COPB2: variants seen among roughly 807,000 people sequenced by gnomAD.
COPB2 encodes coatomer subunit beta'.
Under a neutral mutation model 120.8 loss-of-function variants are expected in COPB2, and 16 were observed. That is an observed-to-expected ratio of 0.13 (90% CI 0.09 to 0.20). COPB2 has a LOEUF of 0.20. Among genes scored for constraint, COPB2 ranks in the 10% least tolerant of loss-of-function variants. COPB2 has a pLI of 1.00. For synonymous variants in COPB2, 332 were observed against 366.3 expected (o/e 0.91, Z 1.07); for missense variants, 794 against 1,076.5 (o/e 0.74, Z 3.67).
In COPB2 at chr3:139,366,788, C is replaced by T. The variant is rs1413806924; in HGVS notation, c.1677-13G>A. The T allele has an allele frequency of 2.1e-5, 34 of 1,608,890 alleles. No individual in the cohort carries two copies. The highest frequency in any genetic ancestry group is 2.9e-5 in the Non-Finnish European group (34 of 1,176,946). Reference sequence around the variant, plus strand: ...GAGATACATCGTCCTATAAAAGAAACAGAAACCAAGTTAGAAATTCAAATC... The same window carrying T: ...GAGATACATCGTCCTATAAAAGAAATAGAAACCAAGTTAGAAATTCAAATC... On this transcript the variant is annotated splice_polypyrimidine_tract_variant and intron_variant, in intron 14 of 21. Transcript: ENST00000333188.
In COPB2 at chr3:139,387,540, T is replaced by C. The variant is rs371394811; in HGVS notation, c.3+2008A>G. 2.4e-4 allele frequency among the ~76,000 whole-genome samples: 37 copies of C among 152,324 alleles called. No homozygotes were observed. The South Asian group carries it at 7.0e-3, about 29-fold the overall frequency. On this transcript the variant is annotated intron_variant, in intron 1 of 21. Coordinates refer to ENST00000333188, the MANE Select transcript of COPB2 (RefSeq NM_004766.3). ...AAGCATTCTTTCCTAGGGAATCCTA[T>C]AGGATTTCATTTTAACTGTTCATGG... is the stretch of plus-strand genomic sequence containing the variant.
In COPB2 at chr3:139,366,839, C is replaced by A. The variant is rs1341489984; in HGVS notation, c.1677-64G>T. ...TGCAATTACACAAACACACACCCCG[C>A]CAATCTCCCTCTTGCTCAAAACCTT... On this transcript the variant is annotated intron_variant, in intron 14 of 21. Coordinates refer to ENST00000333188, the MANE Select transcript of COPB2 (RefSeq NM_004766.3). 5.2e-6 allele frequency: 8 copies of A among 1,545,134 alleles called. No individual in the cohort carries two copies. In the East Asian group the frequency reaches 1.6e-4, roughly 31 times the overall value.
chr3:139,374,721 A>C (rs997100916), intron 6 of COPB2, 133 bp from the exon 7 acceptor site: 8 of 530,458 alleles, frequency 1.5e-5, no homozygotes, highest in African/African-American at 1.4e-4. Flanking sequence ...CAATATAGAA[A>C]TTTTTGAAAT....
chr3:139,372,263 T>G (rs1204109233), intron 9 of COPB2, among the ~76,000 whole-genome samples: 1 of 152,242 alleles, frequency 6.6e-6, no homozygotes. Flanking sequence ...TTAAAGCTGA[T>G]CATTCAAATG....
chr3:139,375,761 GTTCT>G (rs1254703639), intron 5 of COPB2, 147 bp from the exon 6 acceptor site: 7 of 1,073,762 alleles, frequency 6.5e-6, no homozygotes, highest in Non-Finnish European at 7.6e-6. Context: ...TTTGGTTTTT[GTTCT>G]TTCTCATTTT....
chr3:139,370,308 A>T (rs1941600417), intron 10 of COPB2, among the ~76,000 whole-genome samples: 1 of 152,214 alleles, frequency 6.6e-6, no homozygotes, highest in Non-Finnish European at 1.5e-5. Flanking sequence ...TGGGCAGCAT[A>T]TACAATGTGG....
Position 139,361,161 on chromosome 3 carries a change from A to G in COPB2, c.2130T>C (p.Asn710=). 1.2e-6 allele frequency: 2 copies of G among 1,614,162 alleles called. No individual in the cohort carries two copies. The highest frequency in any genetic ancestry group is 1.1e-5 in the South Asian group (1 of 91,084). ...CACCCTCTGCTAGCTTGTTCACCATATTAGCATTTCCAGAGGCAGTGGCCA... is the reference window on the plus strand; with the variant it reads ...CACCCTCTGCTAGCTTGTTCACCATGTTAGCATTTCCAGAGGCAGTGGCCA... ...LLLATASGNA[N]MVNKLAEGAE... Residue 710 remains asparagine, a synonymous_variant, in exon 17 of 22, where the codon AAT becomes AAC. Coordinates refer to ENST00000333188, the MANE Select transcript of COPB2 (RefSeq NM_004766.3).
intron 9 of COPB2, among the ~76,000 whole-genome samples, chr3:139,372,963 G>A (rs975584720): frequency 3.3e-5 from 5 of 152,168 alleles, no homozygotes; most frequent in African/African-American, 1.2e-4. Context: ...GAAATAACAG[G>A]AAACTACTAT....
In COPB2 at chr3:139,369,438, T is replaced by C; in HGVS notation, c.1294+18A>G. 2 of 1,605,768 alleles carry C rather than the reference T, an allele frequency of 1.2e-6. No homozygotes were observed. Among genetic ancestry groups the C allele is most frequent in the Non-Finnish European group, 8.5e-7 (1 of 1,175,660 alleles). ...TTACAAAGAATTTAAAAATGTATCA[T>C]ATGTAGATCACACTCACTTTCTGCT... On this transcript the variant is annotated intron_variant, in intron 11 of 21. Transcript: ENST00000333188.
At chr3:139,377,973 CA>C in intron 5 of COPB2, 67 bp downstream of exon 5, 2 of 1,371,930 alleles carry the variant, frequency 1.5e-6, no homozygotes, top group East Asian at 5.0e-5. Flanking sequence ...GACCAGTCAA[CA>C]GTAAAACACC....
chr3:139,384,253 G>A (rs1941871214), intron 1 of COPB2, among the ~76,000 whole-genome samples: 1 of 152,080 alleles, frequency 6.6e-6, no homozygotes, highest in African/African-American at 2.4e-5. Flanking sequence ...TTAAGCATTG[G>A]TCGTTTGGAA....
At chr3:139,359,226 T>C in intron 18 of COPB2, 44 bp downstream of exon 18, 1 of 1,611,786 alleles carries the variant, frequency 6.2e-7, no homozygotes, top group Non-Finnish European at 8.5e-7. Flanking sequence ...AAATGTGCTC[T>C]CTTTTTATTG....
chr3:139,360,328 A>G (rs1426839443), intron 17 of COPB2, among the ~76,000 whole-genome samples: 4 of 152,052 alleles, frequency 2.6e-5, no homozygotes, highest in Non-Finnish European at 5.9e-5. Flanking sequence ...GTTTGAGACC[A>G]GCCTGGCCAA....
chr3:139,373,600 C>T, intron 8 of COPB2, 66 bp downstream of exon 8: 1 of 1,601,494 alleles, frequency 6.2e-7, no homozygotes, highest in South Asian at 1.1e-5. Context: ...TGGAAGATGA[C>T]AGTACTAAAA....
upstream of COPB2, chr3:139,389,667 T>G (rs997099523): frequency 4.4e-6 from 5 of 1,127,858 alleles, no homozygotes; most frequent in Admixed American, 1.3e-4. Context: ...CGGGAGCCGA[T>G]TCTCGCGATA....
intron 2 of COPB2, chr3:139,380,277 C>T (rs1941787705): frequency 1.3e-5 from 2 of 152,170 alleles, no homozygotes; most frequent in South Asian, 4.1e-4. Context: ...CTCCCAAGTG[C>T]TGGGATTACA....
chr3:139,368,096 A>C (rs1250813211), intron 13 of COPB2, 49 bp downstream of exon 13: 1 of 1,582,742 alleles, frequency 6.3e-7, no homozygotes, highest in South Asian at 1.2e-5. Flanking sequence ...TAAGAATATA[A>C]ATCATTTAAA....
In COPB2 at chr3:139,359,222, GCT is replaced by G. The variant is rs776882681; in HGVS notation, c.2303+46_2304-45del. 6 of 1,609,430 alleles carry G rather than the reference GCT, an allele frequency of 3.7e-6. No homozygotes were observed. The South Asian group carries it at 5.5e-5, about 15-fold the overall frequency. ...AACCAAAGAGAGACTAAGTAAATGT[GCT>G]CTCTTTTTATTGGAAACATTTCTTC... On this transcript the variant is annotated intron_variant, in intron 18 of 21. Transcript: ENST00000333188.
At chr3:139,376,749 T>C (rs1941719042) in intron 5 of COPB2, among the ~76,000 whole-genome samples, 1 of 152,200 alleles carries the variant, frequency 6.6e-6, no homozygotes, top group South Asian at 2.1e-4. Context: ...AATTAATTAA[T>C]TAATTTATTT....
Sources: gnomAD v4.1 joint callset for allele counts (sites outside exome capture counted in the v4.1 genomes callset) on GRCh38, gnomAD v4.1.1 for gene constraint, MANE v1.5 for transcripts, NCBI Gene and HGNC (gene_info 2026-07-23, HGNC 2026-07-21) for gene names.